HMGA2: variants seen among roughly 807,000 people sequenced by gnomAD.
HMGA2 encodes high mobility group AT-hook 2.
HMGA2 carries 8 observed loss-of-function variants against 19.1 expected under a neutral mutation model. That is an observed-to-expected ratio of 0.42 (90% CI 0.25 to 0.76). The LOEUF (loss-of-function observed/expected upper bound fraction) is 0.76, where lower values mean the gene tolerates loss of function less well. Ranked by LOEUF, HMGA2 falls within the 30% of genes least tolerant of loss-of-function variation. The pLI, the probability that HMGA2 is intolerant of heterozygous loss-of-function variation, is 0.28. For missense variants in HMGA2, 109 were observed against 136.3 expected (o/e 0.80, Z 1.00); for synonymous variants, 60 against 48.8 (o/e 1.23, Z -0.96).
chr12:65,956,443 G>C (rs1876607410), intron 4 of HMGA2: 1 of 152,178 alleles, frequency 6.6e-6, no homozygotes, highest in Non-Finnish European at 1.5e-5. Context: ...AGTAGCTCAA[G>C]GACATAGAAG....
At chr12:65,959,713 G>A (rs1025283421) in intron 4 of HMGA2, among the ~76,000 whole-genome samples, 1 of 152,132 alleles carries the variant, frequency 6.6e-6, no homozygotes, top group Non-Finnish European at 1.5e-5. Context: ...AGACCCTAAT[G>A]AGATGTGTGC....
intron 3 of HMGA2, among the ~76,000 whole-genome samples, chr12:65,922,831 T>C (rs887376863): frequency 6.6e-6 from 1 of 152,160 alleles, no homozygotes; most frequent in African/African-American, 2.4e-5. Context: ...GTCTTTCCTG[T>C]GCTATTCTCA....
At chr12:65,946,019 A>G (rs1876251200) in intron 3 of HMGA2, among the ~76,000 whole-genome samples, 1 of 152,218 alleles carries the variant, frequency 6.6e-6, no homozygotes, top group Admixed American at 6.5e-5. Flanking sequence ...AACATTTTTA[A>G]TATGACACCA....
intron 3 of HMGA2, among the ~76,000 whole-genome samples, chr12:65,902,566 T>TG (rs1188159558): frequency 6.6e-6 from 1 of 152,142 alleles, no homozygotes; most frequent in African/African-American, 2.4e-5. Flanking sequence ...ACACTGAGCC[T>TG]GGGGAAATGC....
chr12:65,873,913 A>G (rs957342630), intron 3 of HMGA2: 1 of 152,286 alleles, frequency 6.6e-6, no homozygotes, highest in South Asian at 2.1e-4. Context: ...AAAATCAGAC[A>G]CCAAAAAAGG....
At chr12:65,912,489 C>T (rs1275769768) in intron 3 of HMGA2, among the ~76,000 whole-genome samples, 1 of 152,054 alleles carries the variant, frequency 6.6e-6, no homozygotes, top group African/African-American at 2.4e-5. Context: ...TGTCTAGAAC[C>T]CTTCTGAAAA....
chr12:65,861,791 A>G (rs1192184725), intron 3 of HMGA2, among the ~76,000 whole-genome samples: 1 of 151,048 alleles, frequency 6.6e-6, no homozygotes, highest in African/African-American at 2.4e-5. Flanking sequence ...ATGCTTTAAC[A>G]TTTAATATAA....
intron 3 of HMGA2, among the ~76,000 whole-genome samples, chr12:65,932,241 A>G (rs1200018896): frequency 6.6e-6 from 1 of 152,210 alleles, no homozygotes; most frequent in African/African-American, 2.4e-5. Context: ...TTGCCTTCAA[A>G]TTTTAACTTC....
At chr12:65,878,658 T>TC (rs2121081801) in intron 3 of HMGA2, among the ~76,000 whole-genome samples, 1 of 152,360 alleles carries the variant, frequency 6.6e-6, no homozygotes, top group Admixed American at 6.5e-5. Context: ...TTTGCTTTTT[T>TC]CCCAACTTGG....
chr12:65,947,270 C>A (rs2121304797), intron 3 of HMGA2, among the ~76,000 whole-genome samples: 1 of 152,218 alleles, frequency 6.6e-6, no homozygotes, highest in East Asian at 1.9e-4. Context: ...CAGGCATGCG[C>A]CACTATACCT....
intron 3 of HMGA2, among the ~76,000 whole-genome samples, chr12:65,863,484 C>A (rs1230957071): frequency 6.6e-6 from 1 of 152,192 alleles, no homozygotes; most frequent in African/African-American, 2.4e-5. Flanking sequence ...TTCCTTTCTG[C>A]AGTATGAGGT....
At chr12:65,892,071 C>G (rs994998425) in intron 3 of HMGA2, among the ~76,000 whole-genome samples, 2 of 152,204 alleles carry the variant, frequency 1.3e-5, no homozygotes, top group Admixed American at 6.5e-5. Context: ...AGTGCTCTGC[C>G]TCTGCGCCGA....
chr12:65,922,142 C>G (rs1457048340), intron 3 of HMGA2, among the ~76,000 whole-genome samples: 1 of 152,230 alleles, frequency 6.6e-6, no homozygotes, highest in Non-Finnish European at 1.5e-5. Context: ...AGAGTCCCAA[C>G]TGGGACACTG....
intron 3 of HMGA2, among the ~76,000 whole-genome samples, chr12:65,868,268 C>T (rs1464267930): frequency 2.6e-5 from 4 of 152,060 alleles, no homozygotes; most frequent in African/African-American, 9.7e-5. Flanking sequence ...CAGATAAGTG[C>T]CTGATCTTGC....
chr12:65,959,002 T>C (rs1308269417), intron 4 of HMGA2: 1 of 152,272 alleles, frequency 6.6e-6, no homozygotes, highest in Non-Finnish European at 1.5e-5. Context: ...CCTCTTCTAC[T>C]GCAGACCTGC....
chr12:65,959,333 T>C (rs957226923), intron 4 of HMGA2, among the ~76,000 whole-genome samples: 3 of 152,210 alleles, frequency 2.0e-5, no homozygotes, highest in Non-Finnish European at 4.4e-5. Flanking sequence ...GCTAAAACAA[T>C]GAGTTACATT....
At chr12:65,845,053 CACATATTT>C (rs528149287) in intron 3 of HMGA2, among the ~76,000 whole-genome samples, 2 of 152,138 alleles carry the variant, frequency 1.3e-5, no homozygotes, top group Non-Finnish European at 2.9e-5. Context: ...TACTCCCATA[CACATATTT>C]ACCTACATTC....
chr12:65,896,587 C>T (rs1187721622), intron 3 of HMGA2, among the ~76,000 whole-genome samples: 4 of 152,154 alleles, frequency 2.6e-5, no homozygotes, highest in Admixed American at 1.3e-4. Context: ...TATGAACGCA[C>T]ATTTGTGTGC....
At chr12:65,873,596 G>A (rs145715830) in intron 3 of HMGA2, among the ~76,000 whole-genome samples, 1 of 152,194 alleles carries the variant, frequency 6.6e-6, no homozygotes, top group East Asian at 1.9e-4. Context: ...AAAGAGCTTG[G>A]TAGAAAGTAA....
Sources: gnomAD v4.1 joint callset for allele counts (sites outside exome capture counted in the v4.1 genomes callset) on GRCh38, gnomAD v4.1.1 for gene constraint, MANE v1.5 for transcripts, NCBI Gene and HGNC (gene_info 2026-07-23, HGNC 2026-07-21) for gene names.